Variants in TTC28 observed in about 807,000 individuals in gnomAD.
TTC28 encodes the protein tetratricopeptide repeat protein 28.
Under a neutral mutation model 198.0 loss-of-function variants are expected in TTC28, and 61 were observed. The ratio of observed to expected loss-of-function variants is 0.31; its 90% CI spans 0.25 to 0.38. The LOEUF (loss-of-function observed/expected upper bound fraction) is 0.38, where lower values mean the gene tolerates loss of function less well. Among genes scored for constraint, TTC28 ranks in the 10% least tolerant of loss-of-function variants. The pLI is 1.00. For synonymous variants in TTC28, 1,171 were observed against 1,297.8 expected, an observed-to-expected ratio of 0.90 and a Z score of 2.10; for missense variants, 2,678 against 3,164.0, an observed-to-expected ratio of 0.85 and a Z score of 3.69.
intron 2 of TTC28, among the ~76,000 whole-genome samples, chr22:28,533,273 CAGAG>C (rs1328123430): frequency 6.6e-6 from 1 of 152,076 alleles, no homozygotes; most frequent in East Asian, 1.9e-4. Context: ...AACAGACAAA[CAGAG>C]AGCCAAATCA....
intron 6 of TTC28, among the ~76,000 whole-genome samples, chr22:28,109,535 C>T (rs1363079831): frequency 6.6e-6 from 1 of 152,222 alleles, no homozygotes; most frequent in African/African-American, 2.4e-5. Flanking sequence ...AATAACAGTG[C>T]TCCAAACAAA....
chr22:28,674,233 T>TTGGGGTTTC (rs1236075597), intron 1 of TTC28, among the ~76,000 whole-genome samples: 1 of 150,704 alleles, frequency 6.6e-6, no homozygotes, highest in Non-Finnish European at 1.5e-5. Flanking sequence ...AGGAAGAGGC[T>TTGGGGTTTC]TGGGGTTTCT....
intron 2 of TTC28, among the ~76,000 whole-genome samples, chr22:28,450,767 T>G (rs548746102): frequency 3.3e-5 from 5 of 152,236 alleles, no homozygotes; most frequent in Non-Finnish European, 7.3e-5. Context: ...GGACTAGGCT[T>G]ACTTTCCTAA....
At chr22:28,525,896 T>C (rs1009845201) in intron 2 of TTC28, among the ~76,000 whole-genome samples, 1 of 152,234 alleles carries the variant, frequency 6.6e-6, no homozygotes, top group Admixed American at 6.5e-5. Flanking sequence ...AATAAATCCA[T>C]TTTAACAAAC....
chr22:28,304,065 C>T (rs1224942619), intron 3 of TTC28, among the ~76,000 whole-genome samples: 2 of 152,080 alleles, frequency 1.3e-5, no homozygotes, highest in Admixed American at 6.6e-5. Flanking sequence ...GTGGGAGGAT[C>T]ACGAGGTCAG....
intron 13 of TTC28, among the ~76,000 whole-genome samples, chr22:28,024,656 C>T (rs1441649142): frequency 6.6e-6 from 1 of 152,236 alleles, no homozygotes; most frequent in Non-Finnish European, 1.5e-5. Flanking sequence ...GATTTCATCT[C>T]TGCCACTGAC....
chr22:28,103,684 T>A (rs1446328404), intron 8 of TTC28, among the ~76,000 whole-genome samples: 1 of 151,520 alleles, frequency 6.6e-6, no homozygotes, highest in Non-Finnish European at 1.5e-5. Flanking sequence ...CAAATTAGAG[T>A]TTTTAGATCT....
chr22:28,166,254 A>C (rs889077708), intron 5 of TTC28, among the ~76,000 whole-genome samples: 2 of 152,230 alleles, frequency 1.3e-5, no homozygotes, highest in African/African-American at 4.8e-5. Context: ...TGTCAACATT[A>C]GACAGATCAA....
rs192705918 is a variant in TTC28 at position 28,530,785 on chromosome 22, A to C, written c.381+98767T>G. Among the ~76,000 whole-genome samples the C allele has an allele frequency of 1.2e-3, 184 of 152,314 alleles. No homozygotes were observed. In the East Asian group the frequency reaches 0.03, roughly 24 times the overall value. On this transcript the variant is annotated intron_variant, in intron 2 of 22. Transcript: ENST00000397906. ...TTCTTAAAGAAAAGAATTTTCAACC[A>C]AGAATTTCATACCCAGCCAAACTAA... is the stretch of plus-strand genomic sequence containing the variant.
intron 2 of TTC28, among the ~76,000 whole-genome samples, chr22:28,435,068 A>G (rs1217679470): frequency 6.6e-6 from 1 of 151,896 alleles, no homozygotes; most frequent in Non-Finnish European, 1.5e-5. Context: ...GATATCTACC[A>G]GCAAAAAAGC....
At chr22:28,211,086 A>G (rs1926908490) in intron 5 of TTC28, among the ~76,000 whole-genome samples, 1 of 152,150 alleles carries the variant, frequency 6.6e-6, no homozygotes, top group African/African-American at 2.4e-5. Context: ...AAATGCTGAG[A>G]GATTTTGTCA....
At chr22:28,456,365 G>C (rs903890416) in intron 2 of TTC28, among the ~76,000 whole-genome samples, 12 of 152,028 alleles carry the variant, frequency 7.9e-5, no homozygotes, top group Admixed American at 4.6e-4. Context: ...GCTTCTTTTG[G>C]GGGGAGATGC....
intron 1 of TTC28, among the ~76,000 whole-genome samples, chr22:28,657,420 T>C (rs1347847831): frequency 6.6e-6 from 1 of 152,208 alleles, no homozygotes; most frequent in East Asian, 1.9e-4. Context: ...ACATCCAACC[T>C]GACAACACAT....
At chr22:28,392,540 C>T (rs1242742796) in intron 2 of TTC28, among the ~76,000 whole-genome samples, 7 of 152,234 alleles carry the variant, frequency 4.6e-5, no homozygotes, top group Admixed American at 3.9e-4. Flanking sequence ...GATATAATCT[C>T]CTGGTGCGCC....
rs573325646 is a variant in TTC28, at chr22:28,509,800, A to T, written c.381+119752T>A. 5.3e-5 allele frequency among the ~76,000 whole-genome samples: 8 copies of T among 152,270 alleles called. No individual in the cohort carries two copies. In the South Asian group the frequency reaches 1.2e-3, roughly 24 times the overall value. On this transcript the variant is annotated intron_variant, in intron 2 of 22. Transcript: ENST00000397906. Reference sequence around the variant, plus strand: ...TGACCGAAAGCTAGATTAATAAAAGAGAGAAGAATCAAATAAACACAATAA... The same window carrying T: ...TGACCGAAAGCTAGATTAATAAAAGTGAGAAGAATCAAATAAACACAATAA...
chr22:28,505,857 C>G (rs1381113121), intron 2 of TTC28, among the ~76,000 whole-genome samples: 2 of 152,218 alleles, frequency 1.3e-5, no homozygotes, highest in Admixed American at 1.3e-4. Context: ...AGCCGCCAAA[C>G]AGCAACAGGC....
intron 5 of TTC28, among the ~76,000 whole-genome samples, chr22:28,230,920 T>C (rs1422875177): frequency 1.3e-5 from 2 of 152,220 alleles, no homozygotes; most frequent in Non-Finnish European, 2.9e-5. Flanking sequence ...AAGAGAGATG[T>C]GTGCACCTAT....
chr22:28,219,168 G>A (rs1041827085), intron 5 of TTC28, among the ~76,000 whole-genome samples: 3 of 151,768 alleles, frequency 2.0e-5, no homozygotes, highest in African/African-American at 2.4e-5. Context: ...ATTACTTAAC[G>A]TCTCTTGGTC....
At chr22:28,639,461 G>A (rs895285654) in intron 1 of TTC28, among the ~76,000 whole-genome samples, 5 of 152,174 alleles carry the variant, frequency 3.3e-5, no homozygotes, top group Non-Finnish European at 7.3e-5. Flanking sequence ...AAAGGCATAT[G>A]TTAGTTGTGT....
Sources: allele counts gnomAD v4.1 joint callset (sites outside exome capture counted in the v4.1 genomes callset), GRCh38; gene constraint gnomAD v4.1.1; transcripts MANE v1.5; gene names NCBI Gene and HGNC (gene_info 2026-07-23, HGNC 2026-07-21).